ARHGAP22: variants seen among roughly 807,000 people sequenced by gnomAD.
ARHGAP22 encodes rho GTPase-activating protein 22.
ARHGAP22 carries 48 observed loss-of-function variants against 59.1 expected under a neutral mutation model. The observed-to-expected ratio is 0.81, with a 90% CI of 0.64 to 1.03. The LOEUF is 1.03. ARHGAP22 is among the 50% of genes least tolerant of loss of function. ARHGAP22 has a pLI of 0.00. For synonymous variants in ARHGAP22, 445 were observed against 416.4 expected, an observed-to-expected ratio of 1.07 and a Z score of -0.84; for missense variants, 1,015 against 958.7, an observed-to-expected ratio of 1.06 and a Z score of -0.78.
chr10:48,567,560 T>C (rs765354119), intron 2 of ARHGAP22, among the ~76,000 whole-genome samples: 80 of 152,338 alleles, frequency 5.3e-4, no homozygotes, highest in Non-Finnish European at 9.4e-4. Flanking sequence ...CACGTGATTT[T>C]ACAACACATT....
intron 3 of ARHGAP22, among the ~76,000 whole-genome samples, chr10:48,516,247 A>C (rs910125638): frequency 6.6e-6 from 1 of 152,238 alleles, no homozygotes; most frequent in Non-Finnish European, 1.5e-5. Flanking sequence ...GTTTGTGGCC[A>C]GGTACAGTGG....
chr10:48,617,112 G>T (rs963920865), intron 1 of ARHGAP22, among the ~76,000 whole-genome samples: 44 of 151,886 alleles, frequency 2.9e-4, no homozygotes, highest in African/African-American at 1.1e-3. Flanking sequence ...TAATACTATT[G>T]ATATTAAGTT....
intron 3 of ARHGAP22, among the ~76,000 whole-genome samples, chr10:48,552,723 C>A (rs2135283619): frequency 6.6e-6 from 1 of 152,366 alleles, no homozygotes; most frequent in African/African-American, 2.4e-5. Flanking sequence ...AAGCTGAGGT[C>A]ACACGAGAGG....
the ARHGAP22 span, among the ~76,000 whole-genome samples, chr10:48,434,448 C>CT: frequency 2.0e-5 from 3 of 152,296 alleles, no homozygotes; most frequent in East Asian, 1.9e-4. Context: ...GCTGTAAAGA[C>CT]TTTTTTGTAG....
At chr10:48,442,638 A>C (rs1353725666), downstream of ARHGAP22, among the ~76,000 whole-genome samples, 1 of 151,100 alleles carries the variant, frequency 6.6e-6, no homozygotes, top group Non-Finnish European at 1.5e-5. Flanking sequence ...AGCCACCACC[A>C]GGCCTGGGCC....
chr10:48,460,190 G>C (rs2047003173), intron 4 of ARHGAP22, among the ~76,000 whole-genome samples: 1 of 152,162 alleles, frequency 6.6e-6, no homozygotes, highest in African/African-American at 2.4e-5. Context: ...AATGGCCCTT[G>C]GGAGCGTTCA....
chr10:48,564,251 G>T (rs1416327653), intron 2 of ARHGAP22, among the ~76,000 whole-genome samples: 1 of 152,174 alleles, frequency 6.6e-6, no homozygotes, highest in Non-Finnish European at 1.5e-5. Flanking sequence ...TACACAAAAT[G>T]AGAAATGACT....
chr10:48,448,624 C>T (rs1373321202), intron 9 of ARHGAP22, among the ~76,000 whole-genome samples: 1 of 132,036 alleles, frequency 7.6e-6, no homozygotes, highest in Non-Finnish European at 1.6e-5. Flanking sequence ...GCCCATACTT[C>T]CAGAGAACAG....
chr10:48,615,733 C>G (rs547311521), intron 1 of ARHGAP22, among the ~76,000 whole-genome samples: 2 of 151,902 alleles, frequency 1.3e-5, no homozygotes, highest in African/African-American at 4.8e-5. Context: ...AAACCATGTA[C>G]AAAGATCTAA....
intron 3 of ARHGAP22, chr10:48,524,250 C>T (rs1159982700): frequency 4.0e-5 from 12 of 301,964 alleles, no homozygotes; most frequent in African/African-American, 2.3e-4. Flanking sequence ...CCCGGGCCCT[C>T]ACACTCCACC....
At chr10:48,621,839 T>TATAAACA (rs2061297055) in intron 1 of ARHGAP22, among the ~76,000 whole-genome samples, 1 of 152,246 alleles carries the variant, frequency 6.6e-6, no homozygotes, top group Non-Finnish European at 1.5e-5. Flanking sequence ...GCTAGGTGAA[T>TATAAACA]ATATGTTTAT....
At position 48,530,285 on chromosome 10, in the gene ARHGAP22, T is replaced by TTAAACC. The variant is rs921250322; in HGVS notation, c.322+25172_322+25177dup. Among the ~76,000 whole-genome samples, 15 of 140,994 alleles carry TTAAACC rather than the reference T, an allele frequency of 1.1e-4. No individual in the cohort carries two copies. The East Asian group carries it at 3.1e-3, about 29-fold the overall frequency. The allele number at this position is 140,994 out of a possible 152,430, so 92.5% of individuals were successfully genotyped here. On this transcript the variant is annotated intron_variant, in intron 3 of 9. Coordinates refer to ENST00000249601, the MANE Select transcript of ARHGAP22 (RefSeq NM_021226.4). The stretch of plus-strand genomic sequence containing the variant: ...AATCAACTCAAGATGGATCAAAGAC[T>TTAAACC]TAAACCTAAGACCTGAAACTGTAAA...
At chr10:48,602,397 GCAAA>G (rs1470657293) in intron 1 of ARHGAP22, among the ~76,000 whole-genome samples, 3 of 152,172 alleles carry the variant, frequency 2.0e-5, no homozygotes, top group East Asian at 1.9e-4. Context: ...TTGAAATATT[GCAAA>G]CAAAGACAGA....
chr10:48,555,319 G>T, intron 3 of ARHGAP22, 144 bp downstream of exon 3: 1 of 699,540 alleles, frequency 1.4e-6, no homozygotes, highest in South Asian at 2.1e-5. Flanking sequence ...GTATGCTGTC[G>T]ATTTGGCCCA....
At chr10:48,479,317 T>A (rs902032152) in intron 4 of ARHGAP22, 5 of 466,250 alleles carry the variant, frequency 1.1e-5, no homozygotes, top group Non-Finnish European at 1.1e-5. Flanking sequence ...TGTCCTTGTC[T>A]ACCATCCCTC....
In ARHGAP22 at chr10:48,651,463, A is replaced by T. The variant is rs114160833; in HGVS notation, c.52+771T>A. ...AATCCACCCAGTCAGCACCTGCACA[A>T]CAAGCCGAATCCTCACCTGCACAGC... On this transcript the variant is annotated intron_variant, in intron 1 of 9. Coordinates refer to the ARHGAP22 transcript ENST00000435790. Among the ~76,000 whole-genome samples the T allele has an allele frequency of 9.4e-3, 1,427 of 151,524 alleles. 29 individuals are homozygous for T. The highest frequency in any genetic ancestry group is 0.033 in the African/African-American group (1,371 of 41,286).
chr10:48,644,809 T>A (rs573324126), intron 1 of ARHGAP22, among the ~76,000 whole-genome samples: 1 of 152,130 alleles, frequency 6.6e-6, no homozygotes, highest in East Asian at 1.9e-4. Context: ...AATGCGTATA[T>A]CAGAATATAA....
chr10:48,490,857 C>G (rs1205670514), intron 3 of ARHGAP22, among the ~76,000 whole-genome samples: 1 of 152,202 alleles, frequency 6.6e-6, no homozygotes, highest in Non-Finnish European at 1.5e-5. Flanking sequence ...GAGGGCAACT[C>G]CATCTTCTGG....
At chr10:48,459,969 G>C (rs530869298) in intron 4 of ARHGAP22, 78 bp from the exon 5 acceptor site, 2 of 1,406,082 alleles carry the variant, frequency 1.4e-6, no homozygotes, top group African/African-American at 2.8e-5. Context: ...GAGGGCAGGC[G>C]CACTGTTAGG....
Sources: gnomAD v4.1 joint callset for allele counts (sites outside exome capture counted in the v4.1 genomes callset) on GRCh38, gnomAD v4.1.1 for gene constraint, MANE v1.5 for transcripts, NCBI Gene and HGNC (gene_info 2026-07-23, HGNC 2026-07-21) for gene names.